PIWIL4: variants seen among roughly 807,000 people sequenced by gnomAD.
The protein encoded by PIWIL4 is piwi like RNA-mediated gene silencing 4, also known as piwi-like protein 4.
In PIWIL4, 50 loss-of-function variants were observed where a neutral mutation model predicts 100.9. The observed-to-expected ratio is 0.50, with a 90% CI of 0.39 to 0.63. The LOEUF (loss-of-function observed/expected upper bound fraction) is 0.63. PIWIL4 is among the 20% of genes least tolerant of loss of function. PIWIL4 has a pLI of 0.00. For missense variants in PIWIL4, 887 were observed against 1,043.3 expected (o/e 0.85, Z 2.06); for synonymous variants, 342 against 367.5 (o/e 0.93, Z 0.79).
intron 4 of PIWIL4, among the ~76,000 whole-genome samples, chr11:94,580,914 TGGAG>T: frequency 7.9e-6 from 1 of 126,114 alleles, no homozygotes; most frequent in South Asian, 2.5e-4. Flanking sequence ...TTTTTTTTTT[TGGAG>T]AAGGAGTTTT....
rs984040674 is a variant in PIWIL4, at chr11:94,595,247, C to T, written c.1151-62C>T. On this transcript the variant is annotated intron_variant, in intron 9 of 19. Coordinates refer to ENST00000299001, the MANE Select transcript of PIWIL4 (RefSeq NM_152431.3). ...TTCAAGTGGAAAGGTTTAAACTGGGCCTTTGATGGGCTGAGTTGCTTATGT... is the reference window on the plus strand; with the variant it reads ...TTCAAGTGGAAAGGTTTAAACTGGGTCTTTGATGGGCTGAGTTGCTTATGT... 35 of 1,374,164 alleles carry T rather than the reference C, an allele frequency of 2.5e-5. No individual in the cohort carries two copies. In the African/African-American group the frequency reaches 4.6e-4, roughly 18 times the overall value. 85.1% of individuals were successfully genotyped at this position (1,374,164 alleles called of 1,614,324 possible). A position where few individuals can be genotyped will look rare whatever the true frequency, so the allele number is the denominator to read the frequency against.
At position 94,601,955 on chromosome 11, in the gene PIWIL4, G is replaced by C; in HGVS notation, c.1541G>C (p.Gly514Ala). The C allele has an allele frequency of 3.1e-6, 5 of 1,611,212 alleles. No individual in the cohort carries two copies. The highest frequency in any genetic ancestry group is 4.2e-6 in the Non-Finnish European group (5 of 1,179,378). The change falls in exon 12 of 20, where the codon GGA becomes GCA. Residue 514 changes from glycine to alanine, a missense_variant. Gly to Ala is a moderately conservative substitution (Grantham distance 60). Transcript: ENST00000299001. ...TTGAGAAGAGTTGCAGGTTCCATGG[G>C]ATTTAATGTGGACTACCCCAAAATG... ...NCLRRVAGSMGFNVDYPKIIK... is the reference protein window; with the variant it reads ...NCLRRVAGSMAFNVDYPKIIK...
intron 6 of PIWIL4, 97 bp from the exon 7 acceptor site, chr11:94,586,953 C>A (rs1948409010): frequency 6.8e-6 from 8 of 1,183,798 alleles, no homozygotes; most frequent in Non-Finnish European, 4.7e-6. Flanking sequence ...TTGTTAAGAT[C>A]TCGAGAATTA....
chr11:94,586,961 T>A lies in PIWIL4; in HGVS notation c.717-89T>A. The stretch of plus-strand genomic sequence containing the variant: ...AATTATCTTGTTAAGATCTCGAGAA[T>A]TAGAACAGAAAATCACCATTTAAAA... On this transcript the variant is annotated intron_variant, in intron 6 of 19. Coordinates refer to ENST00000299001, the MANE Select transcript of PIWIL4 (RefSeq NM_152431.3). 4.9e-6 allele frequency: 6 copies of A among 1,224,112 alleles called. No homozygotes were observed. The South Asian group carries it at 8.6e-5, about 18-fold the overall frequency. 75.8% of individuals were successfully genotyped at this position (1,224,112 alleles called of 1,614,324 possible).
Position 94,587,252 on chromosome 11 carries a change from A to G in PIWIL4, c.914+5A>G. On this transcript the variant is annotated splice_donor_5th_base_variant and intron_variant, in intron 7 of 19. Coordinates refer to ENST00000299001, the MANE Select transcript of PIWIL4 (RefSeq NM_152431.3). ...AGGGCTCATTGTCCTTACAAGGTAC[A>G]AGCCTGCGTCTAAATAAACTTTTCT... The G allele has an allele frequency of 7.5e-6, 12 of 1,608,084 alleles. No homozygotes were observed. Among genetic ancestry groups the G allele is most frequent in the East Asian group, 2.2e-5 (1 of 44,830 alleles).
At chr11:94,580,431 G>A (rs1948295925) in intron 4 of PIWIL4, among the ~76,000 whole-genome samples, 1 of 152,076 alleles carries the variant, frequency 6.6e-6, no homozygotes, top group Non-Finnish European at 1.5e-5. Context: ...CAGGATTCCT[G>A]TTCAGCTGCC....
At chr11:94,595,889 C>T (rs989800078) in intron 10 of PIWIL4, among the ~76,000 whole-genome samples, 1 of 152,212 alleles carries the variant, frequency 6.6e-6, no homozygotes. Context: ...TTTGTGCCAT[C>T]TGGTTCTGCC....
In PIWIL4 at chr11:94,611,968, A is replaced by T. The variant is rs59095518; in HGVS notation, c.1943+3282A>T. ...AATTTCAGTCTTCTTAAAGTTGTTA[A>T]TACTGGCTATGATTTGTCTTGGAGA... On this transcript the variant is annotated intron_variant, in intron 15 of 19. Transcript: ENST00000299001. 3.7e-3 allele frequency among the ~76,000 whole-genome samples: 563 copies of T among 152,328 alleles called. 7 individuals carry two copies. The highest frequency in any genetic ancestry group is 0.013 in the African/African-American group (537 of 41,580).
intron 4 of PIWIL4, 116 bp downstream of exon 4, chr11:94,577,608 GAATT>G (rs1421418504): frequency 2.3e-6 from 2 of 855,466 alleles, no homozygotes; most frequent in Non-Finnish European, 3.4e-6. Context: ...TGGAAAAATA[GAATT>G]AAAAGGTAAG....
intron 5 of PIWIL4, among the ~76,000 whole-genome samples, chr11:94,584,570 G>T (rs909010730): frequency 6.6e-6 from 1 of 152,144 alleles, no homozygotes; most frequent in Non-Finnish European, 1.5e-5. Context: ...AGCAACCCGA[G>T]GCAAGTGCTA....
intron 16 of PIWIL4, among the ~76,000 whole-genome samples, chr11:94,616,904 G>A (rs12808355): frequency 0.028 from 4,193 of 152,294 alleles, 187 homozygotes; most frequent in African/African-American, 0.093. Flanking sequence ...AGACCTAGGA[G>A]GGAAGCCTAT....
Position 94,595,440 on chromosome 11 carries a change from G to A in PIWIL4, c.1268+14G>A, listed in dbSNP as rs376744967. On this transcript the variant is annotated intron_variant, in intron 10 of 19. Transcript: ENST00000299001. ...CAACATCCAGAGGTACTGGATCACC[G>A]CATGCATCCTTCCTGGGGCTGAGTT... The A allele has an allele frequency of 4.5e-5, 71 of 1,593,336 alleles. No individual in the cohort carries two copies. Among genetic ancestry groups the A allele is most frequent in the South Asian group, 3.6e-4 (33 of 90,544 alleles).
rs545595856 is a variant in PIWIL4, at chr11:94,620,326, C to T, written c.2442+182C>T. Among the ~76,000 whole-genome samples, 3 of 152,310 alleles carry T rather than the reference C, an allele frequency of 2.0e-5. No homozygotes were observed. The South Asian group carries it at 6.2e-4, about 32-fold the overall frequency. On this transcript the variant is annotated intron_variant, in intron 19 of 19. Transcript: ENST00000299001. ...TCTTGAGTCCACAGTGGGAGGAAAG[C>T]AGTCTATCATAGAAACAAAATAACA...
At chr11:94,594,889 A>G (rs1379294121) in intron 9 of PIWIL4, among the ~76,000 whole-genome samples, 2 of 152,216 alleles carry the variant, frequency 1.3e-5, no homozygotes, top group Admixed American at 6.5e-5. Context: ...GACCCAATAC[A>G]GTAGCCAGTA....
chr11:94,609,259 A>G (rs1336098913), intron 15 of PIWIL4, among the ~76,000 whole-genome samples: 1 of 152,264 alleles, frequency 6.6e-6, no homozygotes, highest in Admixed American at 6.5e-5. Context: ...ATGATTATTA[A>G]TATTTGCAGA....
chr11:94,577,228 C>G, intron 3 of PIWIL4, 50 bp from the exon 4 acceptor site: 1 of 1,399,772 alleles, frequency 7.1e-7, no homozygotes, highest in South Asian at 1.2e-5. Flanking sequence ...TTAATATTAA[C>G]ATGATGTGAT....
intron 12 of PIWIL4, among the ~76,000 whole-genome samples, chr11:94,603,500 G>C (rs1343058083): frequency 6.6e-6 from 1 of 152,120 alleles, no homozygotes; most frequent in Non-Finnish European, 1.5e-5. Context: ...AACCACTAAG[G>C]AAAATAAAGA....
intron 14 of PIWIL4, chr11:94,608,358 T>C (rs1948748001): frequency 2.2e-6 from 1 of 446,742 alleles, no homozygotes; most frequent in Admixed American, 3.8e-5. Context: ...TCTTGGACGG[T>C]AGTGTTTCTC....
In PIWIL4 at chr11:94,620,022, G is replaced by A; in HGVS notation, c.2320G>A (p.Val774Met). Residue 774 changes from valine to methionine, a missense_variant, in exon 19 of 20, where the codon GTG becomes ATG. Coordinates refer to ENST00000299001, the MANE Select transcript of PIWIL4 (RefSeq NM_152431.3). ...EWYDFYLISQ[V>M]ACRGTVSPTY... is the part of the protein sequence containing the mutation. ...GTATGACTTTTATCTGATCAGCCAG[G>A]TGGCCTGCCGGGGAACTGTTAGTCC... 2 of 1,614,060 alleles carry A rather than the reference G, an allele frequency of 1.2e-6. No individual in the cohort carries two copies. The highest frequency in any genetic ancestry group is 1.3e-5 in the African/African-American group (1 of 75,020).
Sources: allele counts gnomAD v4.1 joint callset (sites outside exome capture counted in the v4.1 genomes callset), GRCh38; gene constraint gnomAD v4.1.1; transcripts MANE v1.5; gene names NCBI Gene and HGNC (gene_info 2026-07-23, HGNC 2026-07-21).